GRAMD1B: variants seen among roughly 807,000 people sequenced by gnomAD.
GRAMD1B encodes the protein GRAM domain containing 1B.
A neutral mutation model predicts 99.7 loss-of-function variants in GRAMD1B; 37 were observed. The ratio of observed to expected loss-of-function variants is 0.37; its 90% CI spans 0.29 to 0.49. The LOEUF is 0.49. GRAMD1B is among the 20% of genes least tolerant of loss of function. The pLI is 0.98. For synonymous variants in GRAMD1B, 427 were observed against 387.6 expected, an observed-to-expected ratio of 1.10 and a Z score of -1.19; for missense variants, 888 against 1,009.2, an observed-to-expected ratio of 0.88 and a Z score of 1.63.
At chr11:123,606,577 C>T in intron 10 of GRAMD1B, 32 bp from the exon 11 acceptor site, 3 of 1,582,864 alleles carry the variant, frequency 1.9e-6, no homozygotes, top group Non-Finnish European at 2.6e-6. Context: ...ACCAGGTTTC[C>T]CTGGTGGGTG....
At chr11:123,388,381 A>T (rs1947149448) in intron 1 of GRAMD1B, among the ~76,000 whole-genome samples, 1 of 151,800 alleles carries the variant, frequency 6.6e-6, no homozygotes, top group Admixed American at 6.6e-5. Context: ...TTATAAGAAG[A>T]GGTCAGAGGA....
At chr11:123,532,002 G>T (rs1943437960) in intron 2 of GRAMD1B, among the ~76,000 whole-genome samples, 1 of 152,132 alleles carries the variant, frequency 6.6e-6, no homozygotes, top group South Asian at 2.1e-4. Flanking sequence ...CTCCCAAAGT[G>T]CTGGGATTAC....
At chr11:123,543,066 C>G (rs1689065180) in intron 2 of GRAMD1B, among the ~76,000 whole-genome samples, 1 of 152,044 alleles carries the variant, frequency 6.6e-6, no homozygotes, top group South Asian at 2.1e-4. Context: ...TCATTCTCAG[C>G]TTACTTTTTA....
chr11:123,541,301 C>T lies in GRAMD1B; in HGVS notation c.453-36066C>T, dbSNP rs1000556725. ...AACCTAGAAGCCAGATTTCTGGGTC[C>T]CTAGTCCAAACTGCCTTTCAGAGAG... On this transcript the variant is annotated intron_variant, in intron 2 of 19. Coordinates refer to ENST00000635736, the MANE Select transcript of GRAMD1B (RefSeq NM_001387025.1). 3.9e-5 allele frequency among the ~76,000 whole-genome samples: 6 copies of T among 152,206 alleles called. No homozygotes were observed. In the East Asian group the frequency reaches 5.8e-4, roughly 15 times the overall value.
At chr11:123,391,340 C>T (rs1259776179) in intron 1 of GRAMD1B, among the ~76,000 whole-genome samples, 1 of 152,222 alleles carries the variant, frequency 6.6e-6, no homozygotes, top group African/African-American at 2.4e-5. Context: ...CTCTTGCTTT[C>T]TCAGACCTTG....
intron 1 of GRAMD1B, among the ~76,000 whole-genome samples, chr11:123,467,627 C>T (rs1950756369): frequency 6.6e-6 from 1 of 151,890 alleles, no homozygotes; most frequent in Admixed American, 6.6e-5. Flanking sequence ...TGGGGAAGGT[C>T]CACATATGTC....
At chr11:123,451,184 C>T (rs1023582179) in intron 1 of GRAMD1B, among the ~76,000 whole-genome samples, 12 of 152,266 alleles carry the variant, frequency 7.9e-5, no homozygotes, top group African/African-American at 2.6e-4. Flanking sequence ...ATTTACCAGG[C>T]CATGGGCTCT....
At chr11:123,517,045 G>A (rs1052956286) in intron 2 of GRAMD1B, among the ~76,000 whole-genome samples, 4 of 152,070 alleles carry the variant, frequency 2.6e-5, no homozygotes, top group Non-Finnish European at 4.4e-5. Context: ...TCAGCCTCCC[G>A]AGTAGCTGGG....
intron 2 of GRAMD1B, among the ~76,000 whole-genome samples, chr11:123,537,675 A>T (rs997401750): frequency 1.3e-5 from 2 of 152,200 alleles, no homozygotes; most frequent in African/African-American, 4.8e-5. Context: ...GCTTTCTTTG[A>T]TATAAACAAG....
Position 123,608,528 on chromosome 11 carries a change from C to G in GRAMD1B, c.1514-131C>G, listed in dbSNP as rs1344754531. The stretch of plus-strand genomic sequence containing the variant: ...TGCCCACGAGCTCAGCTGTCCTGCT[C>G]CGTGTCCTCTCCATACCCTTGTTGA... On this transcript the variant is annotated intron_variant, in intron 11 of 19. Transcript: ENST00000635736. 5 of 1,542,712 alleles carry G rather than the reference C, an allele frequency of 3.2e-6. No individual in the cohort carries two copies. In the South Asian group the frequency reaches 5.9e-5, roughly 18 times the overall value.
chr11:123,427,067 G>T (rs2134140474), upstream of GRAMD1B, among the ~76,000 whole-genome samples: 1 of 152,298 alleles, frequency 6.6e-6, no homozygotes, highest in Non-Finnish European at 1.5e-5. Flanking sequence ...GGGAATGGGG[G>T]CAAAGGTGAG....
At chr11:123,406,280 G>A (rs1947854401) in intron 1 of GRAMD1B, among the ~76,000 whole-genome samples, 2 of 150,762 alleles carry the variant, frequency 1.3e-5, no homozygotes, top group Admixed American at 6.6e-5. Context: ...TTGAGACGGA[G>A]TCTCACTCTG....
Position 123,430,626 on chromosome 11 carries a change from G to A in GRAMD1B, c.-167G>A, listed in dbSNP as rs1948829199. ...ACTCCGGGCGGCGGCGCGCTACGCC[G>A]CGTCCCCTCGCGTCCCTTCCTCGCT... On this transcript the variant is annotated 5_prime_UTR_variant, in exon 1 of 20. Coordinates refer to ENST00000635736, the MANE Select transcript of GRAMD1B (RefSeq NM_001387025.1). The A allele has an allele frequency of 8.3e-6, 4 of 484,230 alleles. No individual in the cohort carries two copies. Among genetic ancestry groups the A allele is most frequent in the African/African-American group, 2.0e-5 (1 of 49,050 alleles). 30.0% of individuals were successfully genotyped at this position (484,230 alleles called of 1,614,324 possible).
intron 2 of GRAMD1B, among the ~76,000 whole-genome samples, chr11:123,503,785 G>C (rs1591736458): frequency 6.6e-6 from 1 of 152,184 alleles, no homozygotes; most frequent in Non-Finnish European, 1.5e-5. Context: ...GACCTCAGGT[G>C]ATCTGCCCTC....
At chr11:123,535,830 T>C (rs1943915299) in intron 2 of GRAMD1B, among the ~76,000 whole-genome samples, 1 of 152,048 alleles carries the variant, frequency 6.6e-6, no homozygotes, top group Admixed American at 6.5e-5. Context: ...TATGGCAATA[T>C]GCAAAGGCTG....
intron 1 of GRAMD1B, among the ~76,000 whole-genome samples, chr11:123,367,435 AG>A (rs1272401076): frequency 6.6e-6 from 1 of 152,144 alleles, no homozygotes; most frequent in Non-Finnish European, 1.5e-5. Context: ...TTTTCAGAAG[AG>A]GTTATATTTG....
chr11:123,516,192 G>A (rs1941653995), intron 2 of GRAMD1B, among the ~76,000 whole-genome samples: 1 of 152,240 alleles, frequency 6.6e-6, no homozygotes. Context: ...ATCAAAGGTA[G>A]CTAGTGGCTT....
chr11:123,382,727 G>A (rs1161563508), intron 1 of GRAMD1B, among the ~76,000 whole-genome samples: 1 of 152,194 alleles, frequency 6.6e-6, no homozygotes, highest in Non-Finnish European at 1.5e-5. Context: ...GGGCGTTTAA[G>A]AAAGGGACTC....
chr11:123,542,161 T>C (rs1944600236), intron 2 of GRAMD1B, among the ~76,000 whole-genome samples: 1 of 152,248 alleles, frequency 6.6e-6, no homozygotes, highest in Non-Finnish European at 1.5e-5. Context: ...AAATGAGATA[T>C]AGAGCAATCT....
Sources: allele counts gnomAD v4.1 joint callset (sites outside exome capture counted in the v4.1 genomes callset), GRCh38; gene constraint gnomAD v4.1.1; transcripts MANE v1.5; gene names NCBI Gene and HGNC (gene_info 2026-07-23, HGNC 2026-07-21).